The following G3BP2 variants were observed in gnomAD, a reference collection of about 807,000 sequenced individuals.
G3BP2 encodes G3BP stress granule assembly factor 2.
In G3BP2, 11 loss-of-function variants were observed where a neutral mutation model predicts 56.7. The ratio of observed to expected loss-of-function variants is 0.19; its 90% confidence interval spans 0.12 to 0.32. The LOEUF is 0.32. G3BP2 is among the 10% of genes least tolerant of loss of function. The pLI is 1.00. For synonymous variants in G3BP2, 165 were observed against 191.6 expected (o/e 0.86, Z 1.15); for missense variants, 340 against 610.9 (o/e 0.56, Z 4.67).
rs1049248630 is a variant in G3BP2, at chr4:75,673,302, C to T, written c.-119G>A. On this transcript the variant is annotated 5_prime_UTR_variant, in exon 1 of 12. Coordinates refer to ENST00000359707, the MANE Select transcript of G3BP2 (RefSeq NM_203505.3). ...GGTTCTTATTGCTCGCCGCCCCCTT[C>T]CTCCGACAACTCGGAAGCCTCGGAA... The T allele has an allele frequency of 8.1e-7, 1 of 1,228,422 alleles. No individual in the cohort carries two copies. Among genetic ancestry groups the T allele is most frequent in the Non-Finnish European group, 1.0e-6 (1 of 986,184 alleles). The allele number at this position is 1,228,422 out of a possible 1,614,324, so 76.1% of individuals were successfully genotyped here.
intron 1 of G3BP2, among the ~76,000 whole-genome samples, chr4:75,671,510 G>C (rs962489063): frequency 2.0e-5 from 3 of 152,046 alleles, no homozygotes; most frequent in African/African-American, 7.2e-5. Flanking sequence ...CAAATAATGT[G>C]TTTTCTTCTT....
intron 3 of G3BP2, among the ~76,000 whole-genome samples, chr4:75,680,845 G>C (rs984973777): frequency 3.3e-5 from 5 of 152,016 alleles, no homozygotes; most frequent in African/African-American, 7.2e-5. Context: ...GCATGTGCCT[G>C]TAGTCCCAGC....
chr4:75,668,614 T>C (rs182107162), intron 1 of G3BP2, among the ~76,000 whole-genome samples: 4 of 152,212 alleles, frequency 2.6e-5, no homozygotes, highest in African/African-American at 7.2e-5. Flanking sequence ...GGCACAAACA[T>C]AGTAGAGTCC....
At position 75,673,391 on chromosome 4, in the gene G3BP2, G is replaced by C. The variant is rs1227188402; in HGVS notation, c.-208C>G. 8.1e-7 allele frequency: 1 copy of C among 1,232,082 alleles called. No individual in the cohort carries two copies. The highest frequency in any genetic ancestry group is 1.6e-5 in the African/African-American group (1 of 64,418). The allele number at this position is 1,232,082 out of a possible 1,614,324, so 76.3% of individuals were successfully genotyped here. A position where few individuals can be genotyped will look rare whatever the true frequency, so the allele number is the denominator to read the frequency against. On this transcript the variant is annotated 5_prime_UTR_variant, in exon 1 of 12. Transcript: ENST00000359707. ...CTTCCCGGGCGCCAGGCGCTGCGACGTGCGACAAGGACCACGGACGTCCCG... is the reference window on the plus strand; with the variant it reads ...CTTCCCGGGCGCCAGGCGCTGCGACCTGCGACAAGGACCACGGACGTCCCG...
chr4:75,659,035 C>T (rs989872271), intron 2 of G3BP2, 111 bp from the exon 3 acceptor site: 25 of 827,442 alleles, frequency 3.0e-5, no homozygotes, highest in Middle Eastern at 2.3e-4. Context: ...TAATTAGTTG[C>T]GTGATCTTGG....
chr4:75,649,308 T>C (rs1309468660), intron 8 of G3BP2, among the ~76,000 whole-genome samples: 1 of 152,140 alleles, frequency 6.6e-6, no homozygotes, highest in Non-Finnish European at 1.5e-5. Flanking sequence ...AAATGCATGT[T>C]AAAAAAATGA....
chr4:75,672,972 G>A, intron 1 of G3BP2: 3 of 985,148 alleles, frequency 3.0e-6, no homozygotes, highest in Non-Finnish European at 2.4e-6. Context: ...CTGCCCGCAA[G>A]ACGCTCGCGG....
intron 3 of G3BP2, among the ~76,000 whole-genome samples, chr4:75,711,297 C>T (rs921609370): frequency 4.1e-5 from 6 of 147,116 alleles, no homozygotes; most frequent in Admixed American, 6.9e-5. Context: ...CCAGCCTGGG[C>T]GGTTGAGTGA....
upstream of G3BP2, among the ~76,000 whole-genome samples, chr4:75,677,544 C>G (rs1733925488): frequency 6.6e-6 from 1 of 151,778 alleles, no homozygotes; most frequent in African/African-American, 2.4e-5. Context: ...TCACTCCAGC[C>G]TGGGCAACAG....
chr4:75,666,016 T>C (rs1383496834), intron 1 of G3BP2, among the ~76,000 whole-genome samples: 1 of 152,200 alleles, frequency 6.6e-6, no homozygotes, highest in Non-Finnish European at 1.5e-5. Context: ...ATCATATTCA[T>C]AGAGTACATA....
At chr4:75,674,553 T>C (rs1332714886), upstream of G3BP2, among the ~76,000 whole-genome samples, 1 of 151,874 alleles carries the variant, frequency 6.6e-6, no homozygotes, top group Non-Finnish European at 1.5e-5. Context: ...GAAATCAACC[T>C]GATGTTTTTC....
intron 1 of G3BP2, among the ~76,000 whole-genome samples, chr4:75,663,893 ATTTTAT>A (rs1451896432): frequency 2.8e-4 from 1 of 3,532 alleles, no homozygotes; most frequent in East Asian, 0.021. Flanking sequence ...AATATAACCT[ATTTTAT>A]TTTTGAGATG....
At chr4:75,670,299 A>C (rs1166899212) in intron 1 of G3BP2, 2 of 152,208 alleles carry the variant, frequency 1.3e-5, no homozygotes, top group Non-Finnish European at 2.9e-5. Context: ...TAATACTGGA[A>C]CTTTCTGAAA....
intron 1 of G3BP2, among the ~76,000 whole-genome samples, chr4:75,665,852 T>C (rs764015940): frequency 6.6e-6 from 1 of 152,198 alleles, no homozygotes; most frequent in African/African-American, 2.4e-5. Context: ...ACTACATTAC[T>C]CTCTGAACAA....
At position 75,655,874 on chromosome 4, in the gene G3BP2, A is replaced by C; in HGVS notation, c.443-4T>G. On this transcript the variant is annotated splice_polypyrimidine_tract_variant and splice_region_variant and intron_variant, in intron 5 of 11. Transcript: ENST00000359707. The stretch of plus-strand genomic sequence containing the variant: ...TCTTCTACTTCATCTTCTGATTCTG[A>C]AAATACATAATACAGCACATCTTTT... The C allele has an allele frequency of 7.3e-7, 1 of 1,362,320 alleles. No homozygotes were observed. Among genetic ancestry groups the C allele is most frequent in the Non-Finnish European group, 1.1e-6 (1 of 950,296 alleles). 84.4% of individuals were successfully genotyped at this position (1,362,320 alleles called of 1,614,324 possible).
intron 1 of G3BP2, among the ~76,000 whole-genome samples, chr4:75,667,019 G>A (rs1447600326): frequency 1.3e-5 from 2 of 152,142 alleles, no homozygotes; most frequent in Non-Finnish European, 2.9e-5. Flanking sequence ...TGGTGCAGTG[G>A]CTCACACCTG....
At chr4:75,685,760 C>T (rs566453223) in intron 3 of G3BP2, among the ~76,000 whole-genome samples, 7 of 152,178 alleles carry the variant, frequency 4.6e-5, no homozygotes, top group Non-Finnish European at 8.8e-5. Context: ...ATAACGCAGA[C>T]ATCACTCTTC....
At chr4:75,661,648 C>A (rs1295195293) in intron 2 of G3BP2, 4 of 217,914 alleles carry the variant, frequency 1.8e-5, no homozygotes, top group South Asian at 7.3e-5. Context: ...ACAGAGGAGA[C>A]CATGACTCTA....
chr4:75,695,173 G>A (rs1719051326), intron 3 of G3BP2, among the ~76,000 whole-genome samples: 1 of 152,188 alleles, frequency 6.6e-6, no homozygotes, highest in African/African-American at 2.4e-5. Context: ...AGACCTGGAG[G>A]GAGAGTGAAG....
Sources: allele counts gnomAD v4.1 joint callset (sites outside exome capture counted in the v4.1 genomes callset), GRCh38; gene constraint gnomAD v4.1.1; transcripts MANE v1.5; gene names NCBI Gene and HGNC (gene_info 2026-07-23, HGNC 2026-07-21).